The following CACNA1C variants were observed in gnomAD, a reference collection of about 807,000 sequenced individuals.
CACNA1C encodes the protein voltage-dependent L-type calcium channel subunit alpha-1C.
CACNA1C carries 30 observed loss-of-function variants against 229.0 expected under a neutral mutation model. The observed-to-expected ratio is 0.13, with a 90% confidence interval of 0.10 to 0.18. The LOEUF is 0.18. CACNA1C is among the 10% of genes least tolerant of loss of function. The probability of loss-of-function intolerance (pLI) is 1.00; values close to 1 mark genes in which losing one functional copy is unlikely to be tolerated. For missense variants in CACNA1C, 1,658 were observed against 2,845.0 expected, an observed-to-expected ratio of 0.58 and a Z score of 9.49; for synonymous variants, 1,114 against 1,132.5, an observed-to-expected ratio of 0.98 and a Z score of 0.33.
At chr12:2,283,279 T>C (rs1231741412) in intron 3 of CACNA1C, among the ~76,000 whole-genome samples, 1 of 152,176 alleles carries the variant, frequency 6.6e-6, no homozygotes, top group East Asian at 1.9e-4. Context: ...ATTAACTAGC[T>C]ACAACTGGCT....
chr12:1,995,579 C>T (rs1186195624), intron 1 of CACNA1C, among the ~76,000 whole-genome samples: 4 of 152,244 alleles, frequency 2.6e-5, no homozygotes, highest in Non-Finnish European at 4.4e-5. Flanking sequence ...CCATTCCTTC[C>T]TTCCACCTCC....
chr12:2,058,910 T>C (rs749944255), intron 1 of CACNA1C, among the ~76,000 whole-genome samples: 3 of 152,196 alleles, frequency 2.0e-5, no homozygotes, highest in Non-Finnish European at 4.4e-5. Context: ...GGGGTGCTTA[T>C]TTGCTCAAGA....
At chr12:2,331,854 C>CAA (rs142231220) in intron 3 of CACNA1C, among the ~76,000 whole-genome samples, 17,936 of 152,052 alleles carry the variant, frequency 0.12, 2,823 homozygotes, top group African/African-American at 0.36. Flanking sequence ...TCATGGAAGA[C>CAA]AGAGGGATGG....
chr12:2,346,200 G>A lies in CACNA1C; in HGVS notation c.478-102776G>A, dbSNP rs980790495. On this transcript the variant is annotated intron_variant, in intron 3 of 46. Coordinates refer to ENST00000399655, the MANE Select transcript of CACNA1C (RefSeq NM_000719.7). The surrounding 1 kb of genome is among the most constrained non-coding windows in gnomAD (Gnocchi z 4.4). The stretch of plus-strand genomic sequence containing the variant: ...GGAGCCGAGGAAGGCAGAGGTGTGC[G>A]TGTGTGTCTCTGTGTGTGTCATCTC... Among the ~76,000 whole-genome samples the A allele has an allele frequency of 6.6e-6, 1 of 152,100 alleles. No homozygotes were observed. The highest frequency in any genetic ancestry group is 1.5e-5 in the Non-Finnish European group (1 of 68,014).
chr12:2,225,224 A>G (rs1371159042), intron 3 of CACNA1C, among the ~76,000 whole-genome samples: 2 of 152,218 alleles, frequency 1.3e-5, no homozygotes, highest in Non-Finnish European at 2.9e-5. Flanking sequence ...GCATTTATTC[A>G]GCACTTATGT....
intron 5 of CACNA1C, among the ~76,000 whole-genome samples, chr12:2,466,516 A>G (rs1340263218): frequency 6.6e-6 from 1 of 152,250 alleles, no homozygotes; most frequent in Non-Finnish European, 1.5e-5. Context: ...AAGATCCCAG[A>G]GTCAGGGAAG....
Position 2,549,815 on chromosome 12 carries a change from C to T in CACNA1C, c.1391-128C>T, listed in dbSNP as rs935900866. ...GGATCTGTGCAGATCAGCCAGCCAG[C>T]GTGCTCAGCCTCTCTTTCTGCCAAC... On this transcript the variant is annotated intron_variant, in intron 9 of 46. Transcript: ENST00000399655. 9 of 689,460 alleles carry T rather than the reference C, an allele frequency of 1.3e-5. No homozygotes were observed. In the East Asian group the frequency reaches 1.9e-4, roughly 15 times the overall value. The allele number at this position is 689,460 out of a possible 1,614,324, so 42.7% of individuals were successfully genotyped here. A position where few individuals can be genotyped will look rare whatever the true frequency, so the allele number is the denominator to read the frequency against.
At chr12:2,228,207 C>T (rs1020282191) in intron 3 of CACNA1C, among the ~76,000 whole-genome samples, 6 of 152,174 alleles carry the variant, frequency 3.9e-5, no homozygotes, top group Admixed American at 3.9e-4. Context: ...ACAGGGAACT[C>T]CCTATCATGT....
At chr12:2,398,249 C>T (rs926391126) in intron 3 of CACNA1C, among the ~76,000 whole-genome samples, 5 of 152,244 alleles carry the variant, frequency 3.3e-5, no homozygotes, top group Non-Finnish European at 7.3e-5. Flanking sequence ...ATACGTGCCC[C>T]TCCCCTGGAG....
Position 2,354,818 on chromosome 12 carries a change from C to T in CACNA1C, c.478-94158C>T, listed in dbSNP as rs1440315299. ...TCCATTCTCGTTTCCCTGGGCTGCT[C>T]TCCACCTTCCAGGCTTAGCTGGAGT... On this transcript the variant is annotated intron_variant, in intron 3 of 46. Coordinates refer to ENST00000399655, the MANE Select transcript of CACNA1C (RefSeq NM_000719.7). The surrounding 1 kb of genome is among the most constrained non-coding windows in gnomAD (Gnocchi z 4.6). Among the ~76,000 whole-genome samples the T allele has an allele frequency of 1.3e-5, 2 of 152,206 alleles. No homozygotes were observed. The highest frequency in any genetic ancestry group is 3.9e-4 in the East Asian group (2 of 5,192).
intron 3 of CACNA1C, among the ~76,000 whole-genome samples, chr12:2,286,066 C>T (rs565191497): frequency 6.6e-5 from 10 of 152,268 alleles, no homozygotes; most frequent in Admixed American, 1.3e-4. Context: ...AGGGATGTTG[C>T]CTCGTGTGAA....
At position 2,695,764 on chromosome 12, in the gene CACNA1C, G is replaced by A. The variant is rs1467988844; in HGVS notation, c.*4565G>A. ...GACCTCTTTGTGAAGCCTCTTCTGG[G>A]TTTAACTTCATTCATCAATTTATTC... On this transcript the variant is annotated 3_prime_UTR_variant, in exon 47 of 47. Coordinates refer to ENST00000399655, the MANE Select transcript of CACNA1C (RefSeq NM_000719.7). 6.6e-6 allele frequency: 1 copy of A among 152,198 alleles called. No individual in the cohort carries two copies. Among genetic ancestry groups the A allele is most frequent in the Non-Finnish European group, 1.5e-5 (1 of 68,044 alleles). 9.4% of individuals were successfully genotyped at this position (152,198 alleles called of 1,614,324 possible).
chr12:2,684,154 C>T lies in CACNA1C; in HGVS notation c.5573+1476C>T, dbSNP rs574659263. 5.9e-5 allele frequency among the ~76,000 whole-genome samples: 9 copies of T among 152,298 alleles called. No homozygotes were observed. The East Asian group carries it at 9.7e-4, about 16-fold the overall frequency. Reference sequence around the variant, plus strand: ...TTCCTGGGGTCCAGTGCTTTCTGCTCGGGAACTGGATGGGAAGAGTAGCAG... The same window carrying T: ...TTCCTGGGGTCCAGTGCTTTCTGCTTGGGAACTGGATGGGAAGAGTAGCAG... On this transcript the variant is annotated intron_variant, in intron 43 of 46. Transcript: ENST00000399655.
intron 7 of CACNA1C, among the ~76,000 whole-genome samples, chr12:2,500,518 G>A (rs569785825): frequency 3.9e-5 from 6 of 152,300 alleles, no homozygotes; most frequent in South Asian, 2.1e-4. Flanking sequence ...GGGCGCCATC[G>A]AGCCCAACTC....
At chr12:2,360,072 G>A (rs2097512776) in intron 3 of CACNA1C, among the ~76,000 whole-genome samples, 1 of 151,690 alleles carries the variant, frequency 6.6e-6, no homozygotes, top group South Asian at 2.1e-4. Flanking sequence ...CAATTTCGTG[G>A]GCCCTATCCA....
intron 4 of CACNA1C, among the ~76,000 whole-genome samples, chr12:2,454,330 T>G (rs1262249344): frequency 6.6e-6 from 1 of 152,088 alleles, no homozygotes. Context: ...CACCACTGAT[T>G]AACACCTCCC....
chr12:2,061,560 G>A (rs1444181497), intron 1 of CACNA1C, among the ~76,000 whole-genome samples: 1 of 151,628 alleles, frequency 6.6e-6, no homozygotes, highest in African/African-American at 2.4e-5. Context: ...CACTGCTGCT[G>A]TTTCCAAGCT....
intron 42 of CACNA1C, chr12:2,680,260 C>T: frequency 1.1e-6 from 1 of 872,596 alleles, no homozygotes; most frequent in Non-Finnish European, 1.7e-6. Flanking sequence ...ATCTGTAGCA[C>T]TGGCCCATTC....
chr12:2,598,355 G>A lies in CACNA1C; in HGVS notation c.2853+1066G>A, dbSNP rs1007127996. On this transcript the variant is annotated intron_variant, in intron 21 of 46. Coordinates refer to ENST00000399655, the MANE Select transcript of CACNA1C (RefSeq NM_000719.7). ...CCACCTCAGGGCAACACTGGGATGAGAGAAAGAGTATTCCTCCATTTTTCG... is the reference window on the plus strand; with the variant it reads ...CCACCTCAGGGCAACACTGGGATGAAAGAAAGAGTATTCCTCCATTTTTCG... Among the ~76,000 whole-genome samples, 4 of 152,326 alleles carry A rather than the reference G, an allele frequency of 2.6e-5. No homozygotes were observed. The Middle Eastern group carries it at 0.01, about 389-fold the overall frequency.
Sources: allele counts gnomAD v4.1 joint callset (sites outside exome capture counted in the v4.1 genomes callset), GRCh38; gene constraint gnomAD v4.1.1; non-coding constraint Gnocchi (gnomAD v3.1); transcripts MANE v1.5; gene names NCBI Gene and HGNC (gene_info 2026-07-23, HGNC 2026-07-21).